The following CENPN variants were observed in gnomAD, a reference collection of about 807,000 sequenced individuals.
The protein encoded by CENPN is interphase centromere complex protein 32.
In CENPN, 36 loss-of-function variants were observed where a neutral mutation model predicts 48.6. The ratio of observed to expected loss-of-function variants is 0.74; its 90% CI spans 0.57 to 0.98. The LOEUF is 0.98. Among genes scored for constraint, CENPN ranks in the 50% least tolerant of loss-of-function variants. The probability of loss-of-function intolerance (pLI) is 0.00; values close to 1 mark genes in which losing one functional copy is unlikely to be tolerated. For missense variants in CENPN, 439 were observed against 399.2 expected, an observed-to-expected ratio of 1.10 and a Z score of -0.85; for synonymous variants, 166 against 135.2, an observed-to-expected ratio of 1.23 and a Z score of -1.58.
intron 3 of CENPN, 64 bp from the exon 4 acceptor site, chr16:81,017,262 C>G: frequency 1.9e-6 from 2 of 1,049,108 alleles, no homozygotes; most frequent in Admixed American, 3.7e-5. Context: ...ATAGAAATAT[C>G]TATAAGCATA....
intron 3 of CENPN, among the ~76,000 whole-genome samples, chr16:81,015,290 G>A (rs532261592): frequency 6.6e-6 from 1 of 152,288 alleles, no homozygotes; most frequent in East Asian, 1.9e-4. Context: ...CACAGGCCCT[G>A]GGGCCAGACC....
At position 81,028,735 on chromosome 16, in the gene CENPN, T is replaced by C. The variant is rs1970630511; in HGVS notation, c.*84T>C. On this transcript the variant is annotated 3_prime_UTR_variant, in exon 11 of 11. Transcript: ENST00000305850. ...TTCATGGCTAGCTGTATAGCTTCCG[T>C]CTGTAAACTTGTATTTTCAAGAATC... The C allele has an allele frequency of 2.0e-6, 3 of 1,515,292 alleles. No individual in the cohort carries two copies. The highest frequency in any genetic ancestry group is 2.4e-5 in the East Asian group (1 of 42,300). The allele number at this position is 1,515,292 out of a possible 1,614,324, so 93.9% of individuals were successfully genotyped here. A position where few individuals can be genotyped will look rare whatever the true frequency, so the allele number is the denominator to read the frequency against.
Position 81,026,193 on chromosome 16 carries a change from A to G in CENPN, c.698-333A>G, listed in dbSNP as rs549767260. Among the ~76,000 whole-genome samples the G allele has an allele frequency of 1.6e-3, 238 of 144,410 alleles. 1 individual carries two copies. The highest frequency in any genetic ancestry group is 6.1e-3 in the African/African-American group (231 of 37,948). 94.7% of individuals were successfully genotyped at this position (144,410 alleles called of 152,430 possible). Reference sequence around the variant, plus strand: ...TGTATATATATGTGTGTGTATATATATGTATATATATGTGTGTGTATATAT... The same window carrying G: ...TGTATATATATGTGTGTGTATATATGTGTATATATATGTGTGTGTATATAT... On this transcript the variant is annotated intron_variant, in intron 8 of 10. Coordinates refer to ENST00000305850, the MANE Select transcript of CENPN (RefSeq NM_001100624.3).
intron 3 of CENPN, among the ~76,000 whole-genome samples, chr16:81,015,928 C>A (rs1262369282): frequency 6.6e-6 from 1 of 151,766 alleles, no homozygotes. Context: ...TCATTTGAAC[C>A]CAGGAGACAG....
intron 6 of CENPN, 71 bp downstream of exon 6, chr16:81,020,347 G>A: frequency 7.0e-7 from 1 of 1,419,904 alleles, no homozygotes; most frequent in East Asian, 2.5e-5. Flanking sequence ...GATTTTAACT[G>A]TTGAATAAGT....
intron 9 of CENPN, among the ~76,000 whole-genome samples, chr16:81,027,005 C>T (rs898378085): frequency 1.3e-5 from 2 of 151,920 alleles, no homozygotes; most frequent in Non-Finnish European, 2.9e-5. Context: ...TCGTGTTGGC[C>T]AGACTGGTCT....
Position 81,028,677 on chromosome 16 carries a change from C to A in CENPN, c.*26C>A. 1 of 1,599,034 alleles carries A rather than the reference C, an allele frequency of 6.3e-7. No homozygotes were observed. The highest frequency in any genetic ancestry group is 8.5e-7 in the Non-Finnish European group (1 of 1,176,134). On this transcript the variant is annotated 3_prime_UTR_variant, in exon 11 of 11. Transcript: ENST00000305850. ...GACGTGCGTGGTTTCTTAAGCACAG[C>A]TCCTCCTTCTTGATATTGCACATGC...
downstream of CENPN, chr16:81,032,750 C>T: frequency 6.5e-7 from 1 of 1,527,824 alleles, no homozygotes; most frequent in Non-Finnish European, 8.9e-7. Context: ...GTATGTCTCT[C>T]CTGATATACA....
intron 1 of CENPN, among the ~76,000 whole-genome samples, chr16:81,007,914 C>G (rs1289450251): frequency 6.6e-6 from 1 of 152,128 alleles, no homozygotes; most frequent in Non-Finnish European, 1.5e-5. Flanking sequence ...CGAGACCAGC[C>G]TGGCCAACAT....
At chr16:81,025,224 C>T (rs937668274) in intron 8 of CENPN, among the ~76,000 whole-genome samples, 6 of 152,190 alleles carry the variant, frequency 3.9e-5, no homozygotes, top group African/African-American at 1.2e-4. Flanking sequence ...ATCTGGAGCC[C>T]ATGCTCTTAA....
chr16:81,019,503 C>T (rs562870593), intron 5 of CENPN, among the ~76,000 whole-genome samples: 2 of 152,154 alleles, frequency 1.3e-5, no homozygotes, highest in South Asian at 2.1e-4. Context: ...CAGGCATAAG[C>T]CACAACACCC....
chr16:81,015,014 G>T (rs796379917), intron 3 of CENPN, among the ~76,000 whole-genome samples: 28 of 152,268 alleles, frequency 1.8e-4, no homozygotes, highest in African/African-American at 6.7e-4. Context: ...AGGTAGGCTG[G>T]GCTAAGCTAA....
At chr16:81,008,949 G>A (rs1969625582) in intron 1 of CENPN, among the ~76,000 whole-genome samples, 1 of 152,252 alleles carries the variant, frequency 6.6e-6, no homozygotes, top group Non-Finnish European at 1.5e-5. Flanking sequence ...GCTCACGCCT[G>A]TAATCCCAGT....
At chr16:81,019,702 A>AC (rs1970093038) in intron 5 of CENPN, among the ~76,000 whole-genome samples, 1 of 151,502 alleles carries the variant, frequency 6.6e-6, no homozygotes, top group African/African-American at 2.4e-5. Flanking sequence ...AATCACCTCT[A>AC]CAAAAAAAAA....
At chr16:81,022,080 C>G (rs1167348355) in intron 6 of CENPN, among the ~76,000 whole-genome samples, 4 of 152,136 alleles carry the variant, frequency 2.6e-5, no homozygotes, top group African/African-American at 9.7e-5. Flanking sequence ...TATTGTGTAT[C>G]TTAAGGCAAA....
chr16:81,028,039 TCCCCA>T (rs1970588559), intron 9 of CENPN, 127 bp from the exon 10 acceptor site: 13 of 805,846 alleles, frequency 1.6e-5, no homozygotes, highest in Admixed American at 2.3e-5. Context: ...GATTAAATGG[TCCCCA>T]CCCCTGTTAA....
downstream of CENPN, among the ~76,000 whole-genome samples, chr16:81,032,275 C>T (rs1045151360): frequency 6.6e-6 from 1 of 152,162 alleles, no homozygotes; most frequent in African/African-American, 2.4e-5. Flanking sequence ...ATAAGGCCTG[C>T]CCCTCAGGCT....
intron 2 of CENPN, among the ~76,000 whole-genome samples, chr16:81,012,458 ACT>A (rs1969782038): frequency 6.6e-6 from 1 of 151,956 alleles, no homozygotes; most frequent in African/African-American, 2.4e-5. Context: ...AAGGAAAGAG[ACT>A]CTGTCTTTCA....
chr16:81,030,102 G>A lies in CENPN; in HGVS notation c.*1451G>A. The A allele has an allele frequency of 1.7e-6, 1 of 604,804 alleles. No homozygotes were observed. Among genetic ancestry groups the A allele is most frequent in the Non-Finnish European group, 2.1e-6 (1 of 482,482 alleles). The allele number at this position is 604,804 out of a possible 1,614,324, so 37.5% of individuals were successfully genotyped here. On this transcript the variant is annotated 3_prime_UTR_variant, in exon 11 of 11. Transcript: ENST00000305850. The stretch of plus-strand genomic sequence containing the variant: ...TCACTACCATGAGAATAGTATGGGG[G>A]AAATCGTTCCCATGACTCAAGTATC...
Sources: gnomAD v4.1 joint callset for allele counts (sites outside exome capture counted in the v4.1 genomes callset) on GRCh38, gnomAD v4.1.1 for gene constraint, MANE v1.5 for transcripts, NCBI Gene and HGNC (gene_info 2026-07-23, HGNC 2026-07-21) for gene names.